The following INPP4B variants were observed in gnomAD, a reference collection of about 807,000 sequenced individuals.
INPP4B encodes inositol polyphosphate-4-phosphatase type II B, also known as inositol polyphosphate 4-phosphatase type II.
In INPP4B, 55 loss-of-function variants were observed where a neutral mutation model predicts 122.5. That is an observed-to-expected ratio of 0.45 (90% CI 0.36 to 0.56). The LOEUF is 0.56. Ranked by LOEUF, INPP4B falls within the 20% of genes least tolerant of loss-of-function variation. The pLI is 0.00. For missense variants in INPP4B, 1,000 were observed against 1,097.7 expected (o/e 0.91, Z 1.26); for synonymous variants, 403 against 388.7 (o/e 1.04, Z -0.43).
At chr4:142,747,138 A>AT (rs1768884022) in intron 1 of INPP4B, among the ~76,000 whole-genome samples, 1 of 151,872 alleles carries the variant, frequency 6.6e-6, no homozygotes, top group Non-Finnish European at 1.5e-5. Flanking sequence ...CAAAGGGCTA[A>AT]TATCCAAAAT....
chr4:142,316,459 C>G (rs1767714766), intron 7 of INPP4B, among the ~76,000 whole-genome samples: 1 of 152,072 alleles, frequency 6.6e-6, no homozygotes. Context: ...TGGTTTCTCC[C>G]TCTAACTCTG....
At chr4:142,041,701 T>TA (rs1351310022) in intron 25 of INPP4B, among the ~76,000 whole-genome samples, 1 of 152,160 alleles carries the variant, frequency 6.6e-6, no homozygotes, top group African/African-American at 2.4e-5. Flanking sequence ...AGACAGTGAG[T>TA]ACCTTGCCAT....
intron 9 of INPP4B, among the ~76,000 whole-genome samples, chr4:142,282,079 A>G (rs539624193): frequency 6.6e-6 from 1 of 152,254 alleles, no homozygotes; most frequent in African/African-American, 2.4e-5. Flanking sequence ...AAAATATGAC[A>G]AGTGCCATGG....
At chr4:142,069,082 G>T (rs1370804553) in intron 25 of INPP4B, among the ~76,000 whole-genome samples, 2 of 152,174 alleles carry the variant, frequency 1.3e-5, no homozygotes, top group African/African-American at 4.8e-5. Context: ...AGAGTTGGAA[G>T]TAAAGCACTC....
chr4:142,453,981 G>T (rs1279271149), intron 3 of INPP4B, among the ~76,000 whole-genome samples: 1 of 151,996 alleles, frequency 6.6e-6, no homozygotes, highest in Non-Finnish European at 1.5e-5. Context: ...TGAAACACGG[G>T]TTAATTCTCT....
chr4:142,809,099 A>G (rs1779195079), intron 1 of INPP4B, among the ~76,000 whole-genome samples: 1 of 152,132 alleles, frequency 6.6e-6, no homozygotes, highest in Non-Finnish European at 1.5e-5. Context: ...TTTTGGAATC[A>G]AGCACATGGT....
At chr4:142,691,920 A>G (rs1385334156) in intron 2 of INPP4B, among the ~76,000 whole-genome samples, 2 of 152,154 alleles carry the variant, frequency 1.3e-5, no homozygotes, top group Admixed American at 1.3e-4. Context: ...AAGGAGGAGG[A>G]TAAATAAGAG....
chr4:142,665,830 T>C (rs2150605577), intron 2 of INPP4B, among the ~76,000 whole-genome samples: 1 of 152,300 alleles, frequency 6.6e-6, no homozygotes, highest in East Asian at 1.9e-4. Context: ...TAGTCCCCTC[T>C]TGTCCATGAG....
intron 25 of INPP4B, among the ~76,000 whole-genome samples, chr4:142,061,885 C>CATATATATAT (rs66485353): frequency 7.2e-6 from 1 of 139,324 alleles, no homozygotes; most frequent in African/African-American, 3.0e-5. Context: ...CACACACACA[C>CATATATATAT]ATATATATAT....
chr4:142,664,755 C>G (rs1052023853), intron 2 of INPP4B, among the ~76,000 whole-genome samples: 4 of 151,814 alleles, frequency 2.6e-5, no homozygotes, highest in African/African-American at 9.7e-5. Flanking sequence ...ATACAGAAAA[C>G]AGAAAACAAG....
At chr4:142,728,079 A>G (rs987084575) in intron 1 of INPP4B, among the ~76,000 whole-genome samples, 3 of 152,190 alleles carry the variant, frequency 2.0e-5, no homozygotes, top group Admixed American at 6.5e-5. Flanking sequence ...ACATTAACGT[A>G]AGGTCCACTC....
intron 7 of INPP4B, among the ~76,000 whole-genome samples, chr4:142,335,956 G>C (rs559711232): frequency 6.6e-6 from 1 of 152,290 alleles, no homozygotes; most frequent in African/African-American, 2.4e-5. Context: ...GACCTAGTGA[G>C]AACTTCCGTG....
intron 9 of INPP4B, among the ~76,000 whole-genome samples, chr4:142,271,071 C>T (rs145937716): frequency 0.012 from 1,819 of 151,894 alleles, 27 homozygotes; most frequent in South Asian, 0.045. Context: ...TCAAGAGATT[C>T]TTCTGCCTCA....
At chr4:142,604,341 T>G (rs1429704129) in intron 2 of INPP4B, among the ~76,000 whole-genome samples, 2 of 152,022 alleles carry the variant, frequency 1.3e-5, no homozygotes, top group African/African-American at 2.4e-5. Flanking sequence ...CCAAATTTAC[T>G]ACTCCTATTT....
intron 2 of INPP4B, among the ~76,000 whole-genome samples, chr4:142,631,959 G>C (rs77370059): frequency 0.011 from 1,647 of 152,204 alleles, 29 homozygotes; most frequent in African/African-American, 0.038. Context: ...TCTCCACACT[G>C]TTACTTCCCA....
At chr4:142,652,999 C>T (rs1043373063) in intron 2 of INPP4B, among the ~76,000 whole-genome samples, 5 of 152,182 alleles carry the variant, frequency 3.3e-5, no homozygotes, top group Non-Finnish European at 7.3e-5. Context: ...GTAACCAAAA[C>T]AGCATGGTAC....
At chr4:142,358,173 A>C (rs9308149) in intron 7 of INPP4B, among the ~76,000 whole-genome samples, 62,424 of 151,744 alleles carry the variant, frequency 0.41, 13,190 homozygotes, top group East Asian at 0.64. Flanking sequence ...TTATACTAAT[A>C]TGAAAAAAAT....
chr4:142,116,135 A>C (rs1793217462), intron 21 of INPP4B, among the ~76,000 whole-genome samples: 1 of 152,200 alleles, frequency 6.6e-6, no homozygotes, highest in Non-Finnish European at 1.5e-5. Flanking sequence ...ATATGCACCC[A>C]ATACAGGAGC....
intron 2 of INPP4B, among the ~76,000 whole-genome samples, chr4:142,640,695 G>A (rs1002435319): frequency 5.3e-5 from 8 of 151,512 alleles, no homozygotes; most frequent in South Asian, 2.1e-4. Context: ...TAAGACATTC[G>A]CAACACATAC....
Sources: gnomAD v4.1 joint callset for allele counts (sites outside exome capture counted in the v4.1 genomes callset) on GRCh38, gnomAD v4.1.1 for gene constraint, MANE v1.5 for transcripts, NCBI Gene and HGNC (gene_info 2026-07-23, HGNC 2026-07-21) for gene names.